The following MYLK4 variants were observed in gnomAD, a reference collection of about 807,000 sequenced individuals.
MYLK4 encodes caMLCK like.
MYLK4 carries 46 observed loss-of-function variants against 48.1 expected under a neutral mutation model. The ratio of observed to expected loss-of-function variants is 0.96; its 90% confidence interval spans 0.75 to 1.22. The LOEUF (loss-of-function observed/expected upper bound fraction) is 1.22. MYLK4 is among the 50% of genes most tolerant of loss of function. The probability of loss-of-function intolerance (pLI) is 0.00; values close to 1 mark genes in which losing one functional copy is unlikely to be tolerated. For missense variants in MYLK4, 451 were observed against 486.1 expected (o/e 0.93, Z 0.68); for synonymous variants, 170 against 180.8 (o/e 0.94, Z 0.48).
At chr6:2,770,020 A>C in the MYLK4 span, 2 of 1,523,888 alleles carry the variant, frequency 1.3e-6, no homozygotes, top group Non-Finnish European at 1.8e-6. Flanking sequence ...CTCGAAAGAT[A>C]AAAATGAGGA....
chr6:2,707,557 C>T (rs1167244129), intron 2 of MYLK4, among the ~76,000 whole-genome samples: 1 of 152,176 alleles, frequency 6.6e-6, no homozygotes, highest in Non-Finnish European at 1.5e-5. Context: ...GCATGAACTT[C>T]TCCTAATAGA....
chr6:2,757,302 A>G, the MYLK4 span, among the ~76,000 whole-genome samples: 1 of 152,210 alleles, frequency 6.6e-6, no homozygotes, highest in Non-Finnish European at 1.5e-5. Context: ...TAAAATGGTA[A>G]AAAGCATTAT....
intron 6 of MYLK4, among the ~76,000 whole-genome samples, chr6:2,684,582 A>C: frequency 6.6e-6 from 1 of 152,238 alleles, no homozygotes; most frequent in East Asian, 1.9e-4. Context: ...AAACAATCGT[A>C]AATCAAAATG....
At chr6:2,740,953 A>G (rs9501885) in intron 2 of MYLK4, among the ~76,000 whole-genome samples, 138,265 of 152,272 alleles carry the variant, frequency 0.91, 62,917 homozygotes, top group East Asian at 1. Flanking sequence ...ACTTCATTGC[A>G]AGAGACTTTA....
At chr6:2,768,442 TAGGG>T in the MYLK4 span, among the ~76,000 whole-genome samples, 2 of 152,234 alleles carry the variant, frequency 1.3e-5, no homozygotes, top group Admixed American at 1.3e-4. Flanking sequence ...CAAAGGTGGT[TAGGG>T]ACAGAGGAGA....
At chr6:2,766,555 G>C in the MYLK4 span, 1 of 1,407,134 alleles carries the variant, frequency 7.1e-7, no homozygotes. Context: ...GCCTCTCCTG[G>C]ATAAGGGGGT....
At chr6:2,768,564 G>T in the MYLK4 span, 7 of 648,928 alleles carry the variant, frequency 1.1e-5, no homozygotes, top group Non-Finnish European at 1.7e-5. Flanking sequence ...TTTCTGTGCT[G>T]CTCAGCATTC....
the MYLK4 span, chr6:2,766,244 C>CTT: frequency 1.5e-5 from 22 of 1,493,920 alleles, no homozygotes; most frequent in Non-Finnish European, 2.0e-5. Flanking sequence ...CGGGGGCCGC[C>CTT]CGCACCCCCG....
upstream of MYLK4, among the ~76,000 whole-genome samples, chr6:2,751,265 A>T (rs1205229780): frequency 1.3e-5 from 2 of 152,106 alleles, no homozygotes; most frequent in Non-Finnish European, 2.9e-5. Context: ...AGGTGTGGCA[A>T]CCCCACAGCC....
intron 2 of MYLK4, among the ~76,000 whole-genome samples, chr6:2,721,053 C>G (rs555693913): frequency 1.3e-5 from 2 of 151,978 alleles, no homozygotes; most frequent in African/African-American, 4.8e-5. Context: ...CCCAGCTACT[C>G]GGGAGGCCAA....
intron 12 of MYLK4, among the ~76,000 whole-genome samples, chr6:2,668,199 A>G (rs909028779): frequency 6.6e-6 from 1 of 151,908 alleles, no homozygotes; most frequent in Non-Finnish European, 1.5e-5. Context: ...TTTTAGTACT[A>G]TTTGCAATAT....
At chr6:2,689,345 A>T (rs1761684790) in intron 3 of MYLK4, among the ~76,000 whole-genome samples, 1 of 152,220 alleles carries the variant, frequency 6.6e-6, no homozygotes, top group Admixed American at 6.5e-5. Context: ...TACTGATATA[A>T]TCCATTATTT....
intron 2 of MYLK4, among the ~76,000 whole-genome samples, chr6:2,712,187 G>A (rs80234725): frequency 0.014 from 2,119 of 152,270 alleles, 23 homozygotes; most frequent in Non-Finnish European, 0.021. Flanking sequence ...ATCATGTTCC[G>A]GGGCTCATGT....
chr6:2,740,530 T>G (rs1332433418), intron 2 of MYLK4, among the ~76,000 whole-genome samples: 1 of 152,176 alleles, frequency 6.6e-6, no homozygotes, highest in Non-Finnish European at 1.5e-5. Flanking sequence ...GGCTCTGAGG[T>G]CATCCTGTCT....
the MYLK4 span, chr6:2,768,949 C>G: frequency 1.4e-6 from 2 of 1,463,164 alleles, no homozygotes; most frequent in East Asian, 2.3e-5. Flanking sequence ...TGTGAGATCA[C>G]TATACAAACG....
intron 2 of MYLK4, among the ~76,000 whole-genome samples, chr6:2,720,168 G>A (rs1763018786): frequency 1.3e-5 from 2 of 152,176 alleles, no homozygotes; most frequent in African/African-American, 4.8e-5. Flanking sequence ...ACTTTGGGAG[G>A]CTGAGGCGGG....
At chr6:2,763,551 C>A in the MYLK4 span, among the ~76,000 whole-genome samples, 1 of 152,226 alleles carries the variant, frequency 6.6e-6, no homozygotes, top group African/African-American at 2.4e-5. Flanking sequence ...GTGGTGCAGG[C>A]CGCTCCGAGC....
intron 6 of MYLK4, among the ~76,000 whole-genome samples, chr6:2,684,630 C>A (rs1207836790): frequency 6.6e-6 from 1 of 151,906 alleles, no homozygotes; most frequent in Non-Finnish European, 1.5e-5. Flanking sequence ...AATACAACAA[C>A]AAAAATAATA....
At chr6:2,762,453 T>C in the MYLK4 span, among the ~76,000 whole-genome samples, 1 of 152,210 alleles carries the variant, frequency 6.6e-6, no homozygotes, top group Admixed American at 6.5e-5. Flanking sequence ...ATTCAAGAAA[T>C]TTGTTTCCAT....
Sources: allele counts gnomAD v4.1 joint callset (sites outside exome capture counted in the v4.1 genomes callset), GRCh38; gene constraint gnomAD v4.1.1; transcripts MANE v1.5; gene names NCBI Gene and HGNC (gene_info 2026-07-23, HGNC 2026-07-21).